GPR149: variants seen among roughly 807,000 people sequenced by gnomAD.
GPR149 encodes probable G protein-coupled receptor 149.
A neutral mutation model predicts 50.2 loss-of-function variants in GPR149; 50 were observed. That is an observed-to-expected ratio of 1.00 (90% CI 0.79 to 1.26). The LOEUF (loss-of-function observed/expected upper bound fraction) is 1.26, where lower values mean the gene tolerates loss of function less well. Ranked by LOEUF, GPR149 falls within the 50% of genes most tolerant of loss-of-function variation. The pLI, the probability that GPR149 is intolerant of heterozygous loss-of-function variation, is 0.00. For synonymous variants in GPR149, 405 were observed against 358.2 expected (o/e 1.13, Z -1.48); for missense variants, 983 against 895.4 (o/e 1.10, Z -1.25).
At chr3:154,426,285 A>G (rs1024278247) in intron 2 of GPR149, among the ~76,000 whole-genome samples, 6 of 152,228 alleles carry the variant, frequency 3.9e-5, no homozygotes, top group Admixed American at 3.9e-4. Flanking sequence ...GGTAATTTGA[A>G]AAATATCTAG....
intron 3 of GPR149, among the ~76,000 whole-genome samples, chr3:154,407,111 C>G (rs1711716239): frequency 6.6e-6 from 1 of 152,110 alleles, no homozygotes; most frequent in South Asian, 2.1e-4. Flanking sequence ...CAAGGATCTC[C>G]CACTGGGTCC....
chr3:154,374,512 G>A (rs1488911054), intron 3 of GPR149, among the ~76,000 whole-genome samples: 2 of 152,022 alleles, frequency 1.3e-5, no homozygotes, highest in Non-Finnish European at 2.9e-5. Flanking sequence ...CAAATGGTAG[G>A]TAGCTGAAGG....
At chr3:154,339,835 G>A (rs976556313) in intron 3 of GPR149, among the ~76,000 whole-genome samples, 6 of 130,194 alleles carry the variant, frequency 4.6e-5, no homozygotes, top group African/African-American at 1.5e-4. Context: ...TGTCGCCCAG[G>A]CTGGAATGCA....
intron 3 of GPR149, among the ~76,000 whole-genome samples, chr3:154,345,179 C>T (rs1713894038): frequency 6.6e-6 from 1 of 152,168 alleles, no homozygotes; most frequent in Non-Finnish European, 1.5e-5. Context: ...GCAACACTGA[C>T]CTTATGTCCT....
At chr3:154,399,530 C>T (rs1466989198) in intron 3 of GPR149, among the ~76,000 whole-genome samples, 4 of 152,268 alleles carry the variant, frequency 2.6e-5, no homozygotes. Flanking sequence ...TCTTTCTAAT[C>T]ACTCTGTATC....
rs376523934 is a variant in GPR149, at chr3:154,429,474, A to G, written c.142T>C (p.Leu48=). The change falls in exon 1 of 4, where the codon TTG becomes CTG. Residue 48 remains leucine (L), a synonymous_variant. Transcript: ENST00000389740. ...ATTAGTGAATAAATGCTGCCCACCA[A>G]GGCTGCAAAAGTCATGAGACATGTC... The part of the protein sequence containing the change: ...CLTCLMTFAA[L]VGSIYSLISL... 1 of 1,614,070 alleles carries G rather than the reference A, an allele frequency of 6.2e-7. No homozygotes were observed. The highest frequency in any genetic ancestry group is 8.5e-7 in the Non-Finnish European group (1 of 1,180,044).
chr3:154,355,549 C>A (rs549140305), intron 3 of GPR149, among the ~76,000 whole-genome samples: 1 of 152,234 alleles, frequency 6.6e-6, no homozygotes, highest in East Asian at 1.9e-4. Context: ...CATTTCAAAT[C>A]AGATATGATA....
intron 3 of GPR149, among the ~76,000 whole-genome samples, chr3:154,395,427 T>G (rs1026622766): frequency 7.4e-6 from 1 of 135,344 alleles, no homozygotes. Flanking sequence ...AAACACAATA[T>G]ATGTAAAATT....
intron 3 of GPR149, among the ~76,000 whole-genome samples, chr3:154,395,942 A>C (rs943649385): frequency 2.4e-4 from 36 of 152,190 alleles, no homozygotes; most frequent in African/African-American, 8.4e-4. Context: ...GCTCAGATAG[A>C]GGAACCAGCA....
chr3:154,381,939 A>G (rs1024877513), intron 3 of GPR149, among the ~76,000 whole-genome samples: 1 of 152,218 alleles, frequency 6.6e-6, no homozygotes, highest in Non-Finnish European at 1.5e-5. Context: ...CGTCAAATAG[A>G]TGCTAAAAAT....
At position 154,429,099 on chromosome 3, in the gene GPR149, C is replaced by T. The variant is rs769900754; in HGVS notation, c.517G>A (p.Gly173Ser). ...CCCCAGGGCGTGCGCACGAAGGCGC[C>T]CCAGCCGCACAGCGGGAGCGCCGAG... ...LLSALPLCGW[G>S]AFVRTPWGCL... Residue 173 changes from glycine (G) to serine (S), a missense_variant, in exon 1 of 4, where the codon GGC becomes AGC. Physicochemically the swap from Gly to Ser is moderately conservative, Grantham distance 56. Transcript: ENST00000389740. 3.1e-6 allele frequency: 5 copies of T among 1,613,558 alleles called. No individual in the cohort carries two copies. In the East Asian group the frequency reaches 6.7e-5, roughly 22 times the overall value.
At chr3:154,400,661 A>G (rs1711532299) in intron 3 of GPR149, among the ~76,000 whole-genome samples, 1 of 152,190 alleles carries the variant, frequency 6.6e-6, no homozygotes, top group Non-Finnish European at 1.5e-5. Flanking sequence ...ATCATCTCTG[A>G]GTAATTTCTG....
chr3:154,345,218 A>G (rs1242052390), intron 3 of GPR149, among the ~76,000 whole-genome samples: 1 of 152,220 alleles, frequency 6.6e-6, no homozygotes, highest in Non-Finnish European at 1.5e-5. Flanking sequence ...AACTTTTCGC[A>G]CAAAAAATAG....
rs763249153 is a variant in GPR149, at chr3:154,421,075, C to A, written c.1587G>T (p.Glu529Asp). The A allele has an allele frequency of 1.2e-6, 2 of 1,612,668 alleles. No individual in the cohort carries two copies. The highest frequency in any genetic ancestry group is 1.7e-6 in the Non-Finnish European group (2 of 1,179,360). The change falls in exon 3 of 4, where the codon GAG becomes GAT. Residue 529 changes from glutamate to aspartate, a missense_variant. Glu to Asp is a conservative substitution (Grantham distance 45). Transcript: ENST00000389740. ...ESQKPDLSDW[E>D]WCRSKSERTP... ...TTCTTTCTGATTTACTCCTACACCA[C>A]TCCCAGTCTGAAAGATCTGGTTTCT...
chr3:154,412,005 T>G (rs1272170715), intron 3 of GPR149, among the ~76,000 whole-genome samples: 7 of 152,130 alleles, frequency 4.6e-5, no homozygotes, highest in Admixed American at 2.0e-4. Context: ...TCCACCATGA[T>G]CAAGTGGGTT....
intron 2 of GPR149, among the ~76,000 whole-genome samples, chr3:154,424,016 T>C (rs1712227785): frequency 6.6e-6 from 1 of 151,906 alleles, no homozygotes. Flanking sequence ...ATGGGAAAGT[T>C]CTTCCTCCAT....
Position 154,396,917 on chromosome 3 carries a change from C to T in GPR149, c.1623+24122G>A, listed in dbSNP as rs533605160. Among the ~76,000 whole-genome samples, 3 of 151,094 alleles carry T rather than the reference C, an allele frequency of 2.0e-5. No homozygotes were observed. In the East Asian group the frequency reaches 5.8e-4, roughly 29 times the overall value. On this transcript the variant is annotated intron_variant, in intron 3 of 3. Coordinates refer to ENST00000389740, the MANE Select transcript of GPR149 (RefSeq NM_001038705.3). ...ATTATATTATATATATATTTTTTGT[C>T]ATTGTTGTTGTTGTTGTTTTTAAGA...
At chr3:154,342,794 C>T (rs539922530) in intron 3 of GPR149, among the ~76,000 whole-genome samples, 3 of 152,150 alleles carry the variant, frequency 2.0e-5, no homozygotes, top group African/African-American at 7.2e-5. Flanking sequence ...GAAAAAAACC[C>T]CAGCAGAAAT....
rs375809146 is a variant in GPR149, at chr3:154,350,883, C to G, written c.1624-12612G>C. ...TAATCTGTGCACCTCCTCGCATATA[C>G]TTTAAAATCATCTCTAGATTACTTA... On this transcript the variant is annotated intron_variant, in intron 3 of 3. Coordinates refer to ENST00000389740, the MANE Select transcript of GPR149 (RefSeq NM_001038705.3). Among the ~76,000 whole-genome samples, 6 of 152,200 alleles carry G rather than the reference C, an allele frequency of 3.9e-5. No individual in the cohort carries two copies. In the South Asian group the frequency reaches 8.3e-4, roughly 21 times the overall value.
Sources: gnomAD v4.1 joint callset for allele counts (sites outside exome capture counted in the v4.1 genomes callset) on GRCh38, gnomAD v4.1.1 for gene constraint, MANE v1.5 for transcripts, NCBI Gene and HGNC (gene_info 2026-07-23, HGNC 2026-07-21) for gene names.